Variants in NCBP3 observed in about 807,000 individuals in gnomAD.
NCBP3 encodes the protein nuclear cap-binding protein subunit 3.
NCBP3 carries 20 observed loss-of-function variants against 75.7 expected under a neutral mutation model. That is an observed-to-expected ratio of 0.26 (90% CI 0.19 to 0.38). The LOEUF (loss-of-function observed/expected upper bound fraction) is 0.38. Among genes scored for constraint, NCBP3 ranks in the 10% least tolerant of loss-of-function variants. The pLI is 1.00. For missense variants in NCBP3, 678 were observed against 796.9 expected, an observed-to-expected ratio of 0.85 and a Z score of 1.80; for synonymous variants, 293 against 290.5, an observed-to-expected ratio of 1.01 and a Z score of -0.09.
Position 3,819,005 on chromosome 17 carries a change from G to A in NCBP3, c.1001-433C>T, listed in dbSNP as rs143146263. On this transcript the variant is annotated intron_variant, in intron 9 of 12. Coordinates refer to ENST00000389005, the MANE Select transcript of NCBP3 (RefSeq NM_001114118.3). ...CCACCTTCCTGTTTCATCTCATGCT[G>A]TAAACAAGCGTCTGTTTCAGTCCAC... Among the ~76,000 whole-genome samples the A allele has an allele frequency of 4.9e-3, 752 of 152,272 alleles. 5 individuals are homozygous for A. The highest frequency in any genetic ancestry group is 0.017 in the African/African-American group (713 of 41,550).
intron 3 of NCBP3, among the ~76,000 whole-genome samples, chr17:3,831,514 A>AG (rs1308825882): frequency 2.2e-5 from 3 of 138,184 alleles, no homozygotes; most frequent in African/African-American, 7.4e-5. Context: ...CGGAGCTTGC[A>AG]GTGAGCCAAA....
At chr17:3,824,915 T>TA in intron 7 of NCBP3, 27 bp downstream of exon 7, 1 of 1,274,634 alleles carries the variant, frequency 7.8e-7, no homozygotes. Context: ...ATTGAAAATA[T>TA]AAAACAATAC....
chr17:3,842,265 A>C (rs1459425929), intron 2 of NCBP3, among the ~76,000 whole-genome samples: 1 of 152,078 alleles, frequency 6.6e-6, no homozygotes, highest in Non-Finnish European at 1.5e-5. Context: ...TCTCTACTAA[A>C]ATTACAAAAA....
chr17:3,834,841 AAAAG>A (rs970020631), intron 3 of NCBP3, among the ~76,000 whole-genome samples: 9 of 152,352 alleles, frequency 5.9e-5, no homozygotes, highest in Admixed American at 2.0e-4. Flanking sequence ...ACAAAAAAAA[AAAAG>A]AAGAAAGCCA....
chr17:3,819,107 G>A (rs781166607), intron 9 of NCBP3, among the ~76,000 whole-genome samples: 9 of 152,124 alleles, frequency 5.9e-5, no homozygotes, highest in Non-Finnish European at 1.2e-4. Flanking sequence ...GTGTCGTGCC[G>A]AAGTGCTGCC....
At position 3,834,350 on chromosome 17, in the gene NCBP3, G is replaced by C. The variant is rs576217063; in HGVS notation, c.356-4982C>G. Among the ~76,000 whole-genome samples the C allele has an allele frequency of 7.9e-5, 12 of 152,312 alleles. No individual in the cohort carries two copies. The East Asian group carries it at 1.9e-3, about 24-fold the overall frequency. ...ACACACAGACTGTTGACAATGACGGGGTTTGGATGGTAGACCGTGGGCAAC... is the reference window on the plus strand; with the variant it reads ...ACACACAGACTGTTGACAATGACGGCGTTTGGATGGTAGACCGTGGGCAAC... On this transcript the variant is annotated intron_variant, in intron 3 of 12. Coordinates refer to ENST00000389005, the MANE Select transcript of NCBP3 (RefSeq NM_001114118.3).
At chr17:3,831,736 TTC>T (rs1389975361) in intron 3 of NCBP3, among the ~76,000 whole-genome samples, 1 of 121,470 alleles carries the variant, frequency 8.2e-6, no homozygotes, top group Non-Finnish European at 2.0e-5. Flanking sequence ...TCTGAAGCAA[TTC>T]TGTCAAGGGG....
At chr17:3,825,694 TA>T (rs2053771267) in intron 6 of NCBP3, 72 bp downstream of exon 6, 1 of 1,115,678 alleles carries the variant, frequency 9.0e-7, no homozygotes, top group African/African-American at 1.6e-5. Context: ...ACTAAGTCTT[TA>T]AGGCTTAAGT....
chr17:3,820,052 A>C lies in NCBP3; in HGVS notation c.1000+1197T>G, dbSNP rs552831428. Among the ~76,000 whole-genome samples the C allele has an allele frequency of 6.6e-5, 10 of 152,286 alleles. No homozygotes were observed. In the South Asian group the frequency reaches 1.9e-3, roughly 28 times the overall value. On this transcript the variant is annotated intron_variant, in intron 9 of 12. Transcript: ENST00000389005. ...ACTGCAGCCTTGACCTTCCAGGCTC[A>C]GGCAATCTCAGCCTCCCAAGTAGCT...
intron 3 of NCBP3, among the ~76,000 whole-genome samples, chr17:3,835,907 G>A (rs757680484): frequency 1.4e-4 from 22 of 152,226 alleles, no homozygotes; most frequent in Non-Finnish European, 1.5e-5. Context: ...AGGAACACAC[G>A]TTTCAGTCAG....
intron 4 of NCBP3, among the ~76,000 whole-genome samples, chr17:3,826,532 G>A (rs371920104): frequency 2.6e-5 from 4 of 152,084 alleles, no homozygotes; most frequent in Admixed American, 6.6e-5. Context: ...TTGGGAGGCC[G>A]AGGTGGGAGA....
At chr17:3,821,124 G>T in intron 9 of NCBP3, 125 bp downstream of exon 9, 1 of 592,530 alleles carries the variant, frequency 1.7e-6, no homozygotes, top group Non-Finnish European at 3.0e-6. Context: ...CCTATATGTT[G>T]GCAGAGGGTG....
Position 3,807,649 on chromosome 17 carries a change from G to A in NCBP3, c.*5395C>T, listed in dbSNP as rs986421235. ...AGGAGCTTGCTTACTGGCTAGAAAG[G>A]AAAATACAACATGAAAATAAAGCAT... On this transcript the variant is annotated 3_prime_UTR_variant, in exon 13 of 13. Coordinates refer to ENST00000389005, the MANE Select transcript of NCBP3 (RefSeq NM_001114118.3). 3 of 152,148 alleles carry A rather than the reference G, an allele frequency of 2.0e-5. No homozygotes were observed. Among genetic ancestry groups the A allele is most frequent in the Non-Finnish European group, 2.9e-5 (2 of 68,048 alleles). The allele number at this position is 152,148 out of a possible 1,614,324, so 9.4% of individuals were successfully genotyped here.
In NCBP3 at chr17:3,818,839, C is replaced by T. The variant is rs1221549278; in HGVS notation, c.1001-267G>A. ...TTATTATTCACAGATTTTGTATTTG[C>T]AAATTTACCAAATTTATTTGTAACT... On this transcript the variant is annotated intron_variant, in intron 9 of 12. Coordinates refer to ENST00000389005, the MANE Select transcript of NCBP3 (RefSeq NM_001114118.3). The surrounding 1 kb of genome is among the most constrained non-coding windows in gnomAD (Gnocchi z 4.7). Among the ~76,000 whole-genome samples, 1 of 152,108 alleles carries T rather than the reference C, an allele frequency of 6.6e-6. No homozygotes were observed. The highest frequency in any genetic ancestry group is 1.5e-5 in the Non-Finnish European group (1 of 68,022).
intron 1 of NCBP3, among the ~76,000 whole-genome samples, chr17:3,845,105 T>TA (rs889467026): frequency 7.9e-5 from 12 of 152,274 alleles, no homozygotes; most frequent in Admixed American, 2.0e-4. Context: ...GTCTGGAACT[T>TA]AGACTCCTGA....
rs1425458401 is a variant in NCBP3 at position 3,812,958 on chromosome 17, G to A, written c.*86C>T. The A allele has an allele frequency of 2.5e-6, 4 of 1,572,212 alleles. No individual in the cohort carries two copies. In the Admixed American group the frequency reaches 7.4e-5, roughly 29 times the overall value. On this transcript the variant is annotated 3_prime_UTR_variant, in exon 13 of 13. Transcript: ENST00000389005. ...TGTGAGCAGGAGCGAGAGGGCGCCA[G>A]CTCCTGCGGGGGAGGTTCCTACTGC... is the stretch of plus-strand genomic sequence containing the variant.
chr17:3,836,324 T>A (rs535813936), intron 3 of NCBP3, among the ~76,000 whole-genome samples: 41 of 152,214 alleles, frequency 2.7e-4, no homozygotes, highest in Non-Finnish European at 5.3e-4. Context: ...CTATGGACTG[T>A]AACATTTTGT....
At chr17:3,842,286 G>T (rs924525878) in intron 2 of NCBP3, among the ~76,000 whole-genome samples, 1 of 148,484 alleles carries the variant, frequency 6.7e-6, no homozygotes. Context: ...TTAGCCAGGC[G>T]TGGTGGCGGG....
chr17:3,834,123 A>G (rs2053934683), intron 3 of NCBP3, among the ~76,000 whole-genome samples: 1 of 152,202 alleles, frequency 6.6e-6, no homozygotes, highest in African/African-American at 2.4e-5. Flanking sequence ...AAGGTAGCGA[A>G]TTTTAGGTGA....
Sources: allele counts gnomAD v4.1 joint callset (sites outside exome capture counted in the v4.1 genomes callset), GRCh38; gene constraint gnomAD v4.1.1; non-coding constraint Gnocchi (gnomAD v3.1); transcripts MANE v1.5; gene names NCBI Gene and HGNC (gene_info 2026-07-23, HGNC 2026-07-21).